The following KAT7 variants were observed in gnomAD, a reference collection of about 807,000 sequenced individuals.
KAT7 encodes lysine acetyltransferase 7.
A neutral mutation model predicts 82.1 loss-of-function variants in KAT7; 10 were observed. The ratio of observed to expected loss-of-function variants is 0.12; its 90% CI spans 0.08 to 0.21. The LOEUF (loss-of-function observed/expected upper bound fraction) is 0.21. Ranked by LOEUF, KAT7 falls within the 10% of genes least tolerant of loss-of-function variation. The probability of loss-of-function intolerance (pLI) is 1.00; values close to 1 mark genes in which losing one functional copy is unlikely to be tolerated. For missense variants in KAT7, 378 were observed against 760.9 expected (o/e 0.50, Z 5.92); for synonymous variants, 250 against 262.5 (o/e 0.95, Z 0.46).
intron 1 of KAT7, among the ~76,000 whole-genome samples, chr17:49,790,448 C>G (rs1449031479): frequency 6.6e-6 from 1 of 152,178 alleles, no homozygotes; most frequent in African/African-American, 2.4e-5. Flanking sequence ...CCACCCGCCT[C>G]GGCCTCCCAA....
chr17:49,797,097 T>C, intron 3 of KAT7, among the ~76,000 whole-genome samples, 171 bp downstream of exon 3: 1 of 150,968 alleles, frequency 6.6e-6, no homozygotes, highest in Non-Finnish European at 1.5e-5. Flanking sequence ...GGAGTCTCGC[T>C]CTATTGCCCA....
At chr17:49,813,194 A>G (rs531542737) in intron 7 of KAT7, among the ~76,000 whole-genome samples, 82 of 152,060 alleles carry the variant, frequency 5.4e-4, no homozygotes, top group African/African-American at 1.9e-3. Context: ...CACTCTTGGA[A>G]TCCTCAGTGT....
intron 4 of KAT7, among the ~76,000 whole-genome samples, chr17:49,798,938 A>C (rs562305347): frequency 6.6e-6 from 1 of 152,240 alleles, no homozygotes; most frequent in Non-Finnish European, 1.5e-5. Flanking sequence ...TTGCACGGCC[A>C]TAGCTGTTAA....
At chr17:49,822,971 G>A (rs1567864585) in intron 11 of KAT7, among the ~76,000 whole-genome samples, 1 of 152,174 alleles carries the variant, frequency 6.6e-6, no homozygotes, top group Admixed American at 6.5e-5. Flanking sequence ...GGAGCCCAGA[G>A]TCAGCCTCCT....
chr17:49,813,802 T>C (rs1239373147), intron 7 of KAT7, among the ~76,000 whole-genome samples: 1 of 152,024 alleles, frequency 6.6e-6, no homozygotes, highest in Non-Finnish European at 1.5e-5. Context: ...GATTTTGTTA[T>C]ATGCAGGGAG....
At chr17:49,794,853 G>A (rs999904721) in intron 2 of KAT7, among the ~76,000 whole-genome samples, 9 of 152,174 alleles carry the variant, frequency 5.9e-5, no homozygotes, top group African/African-American at 1.9e-4. Context: ...AGCAATGTAA[G>A]GTGGTCCTCC....
At chr17:49,791,860 T>C in intron 1 of KAT7, 26 bp from the exon 2 acceptor site, 3 of 1,609,960 alleles carry the variant, frequency 1.9e-6, no homozygotes, top group Non-Finnish European at 2.6e-6. Flanking sequence ...GCTTCTGTGC[T>C]AATATCTGGA....
intron 9 of KAT7, among the ~76,000 whole-genome samples, chr17:49,819,239 G>A (rs1288202746): frequency 6.6e-6 from 1 of 152,104 alleles, no homozygotes; most frequent in Non-Finnish European, 1.5e-5. Flanking sequence ...GGAGCATGTG[G>A]TCTGTAAGTT....
chr17:49,813,577 G>A (rs1275977544), intron 7 of KAT7, among the ~76,000 whole-genome samples: 4 of 152,044 alleles, frequency 2.6e-5, no homozygotes, highest in Non-Finnish European at 5.9e-5. Flanking sequence ...AACCAACCAC[G>A]GATCGGAAAT....
At chr17:49,815,435 C>T (rs979490804) in intron 7 of KAT7, 8 of 160,076 alleles carry the variant, frequency 5.0e-5, no homozygotes, top group Non-Finnish European at 1.1e-4. Flanking sequence ...TTCCAAATCT[C>T]AGGATTCTGG....
chr17:49,809,537 C>T (rs1354073532), intron 6 of KAT7, among the ~76,000 whole-genome samples: 1 of 152,206 alleles, frequency 6.6e-6, no homozygotes, highest in Non-Finnish European at 1.5e-5. Flanking sequence ...CAAACCTCTC[C>T]ACTCTGCTAG....
At chr17:49,789,781 AG>A (rs1466043394) in intron 1 of KAT7, 2 of 152,210 alleles carry the variant, frequency 1.3e-5, no homozygotes, top group African/African-American at 4.8e-5. Flanking sequence ...GAATAATCTT[AG>A]AAGGATCTAG....
At chr17:49,823,634 ACTTGTCTAGAGGTAATC>A (rs1047512676) in intron 12 of KAT7, 2 of 225,124 alleles carry the variant, frequency 8.9e-6, no homozygotes, top group African/African-American at 4.6e-5. Context: ...TTTTGTAGGG[ACTTGTCTAGAGGTAATC>A]CATGTACCCA....
chr17:49,813,635 C>A (rs755366743), intron 7 of KAT7, among the ~76,000 whole-genome samples: 131 of 152,158 alleles, frequency 8.6e-4, no homozygotes, highest in Non-Finnish European at 1.0e-3. Context: ...CAGACTTTTT[C>A]TTGTCATTAT....
intron 4 of KAT7, among the ~76,000 whole-genome samples, chr17:49,803,181 T>C (rs1190132169): frequency 6.6e-6 from 1 of 152,010 alleles, no homozygotes; most frequent in Non-Finnish European, 1.5e-5. Context: ...TGATCTTGGC[T>C]CACTATAGCC....
intron 1 of KAT7, chr17:49,789,094 C>T (rs565932438): frequency 3.5e-4 from 137 of 388,510 alleles, no homozygotes; most frequent in Non-Finnish European, 3.3e-4. Context: ...TAATTGGTCG[C>T]TGAAACGTCT....
intron 4 of KAT7, 28 bp from the exon 5 acceptor site, chr17:49,805,335 T>G: frequency 2.0e-4 from 291 of 1,475,048 alleles, no homozygotes; most frequent in Non-Finnish European, 2.5e-4. Flanking sequence ...TCTTCTTTCT[T>G]GAGATTAAGT....
At chr17:49,821,520 A>G in intron 10 of KAT7, 94 bp downstream of exon 10, 4 of 1,478,376 alleles carry the variant, frequency 2.7e-6, no homozygotes, top group Admixed American at 1.7e-5. Flanking sequence ...CTTGTGAAGG[A>G]CATAGAACTC....
chr17:49,789,478 C>G (rs2073856012), intron 1 of KAT7: 1 of 107,448 alleles, frequency 9.3e-6, no homozygotes, highest in Non-Finnish European at 2.0e-5. Flanking sequence ...GCTAGTTCGA[C>G]AGCGCCTAGA....
Sources: allele counts gnomAD v4.1 joint callset (sites outside exome capture counted in the v4.1 genomes callset), GRCh38; gene constraint gnomAD v4.1.1; transcripts MANE v1.5; gene names NCBI Gene and HGNC (gene_info 2026-07-23, HGNC 2026-07-21).